Variants in DCC observed in about 807,000 individuals in gnomAD.
The protein encoded by DCC is netrin receptor DCC.
DCC carries 58 observed loss-of-function variants against 172.5 expected under a neutral mutation model. That is an observed-to-expected ratio of 0.34 (90% CI 0.27 to 0.42). The LOEUF is 0.42. DCC is among the 10% of genes least tolerant of loss of function. The pLI is 1.00. For synonymous variants in DCC, 709 were observed against 644.5 expected, an observed-to-expected ratio of 1.10 and a Z score of -1.52; for missense variants, 1,740 against 1,791.0, an observed-to-expected ratio of 0.97 and a Z score of 0.51.
At chr18:53,521,488 C>T (rs1423572759) in intron 27 of DCC, among the ~76,000 whole-genome samples, 1 of 152,086 alleles carries the variant, frequency 6.6e-6, no homozygotes, top group Non-Finnish European at 1.5e-5. Flanking sequence ...GAATTCATTT[C>T]TCTGCATGTA....
chr18:53,250,994 A>T (rs748229008), intron 12 of DCC, among the ~76,000 whole-genome samples: 1 of 151,754 alleles, frequency 6.6e-6, no homozygotes, highest in East Asian at 1.9e-4. Flanking sequence ...TCCTGGAATG[A>T]GTTTCTATAT....
chr18:53,010,925 AT>A (rs967215348), intron 5 of DCC, among the ~76,000 whole-genome samples: 1 of 151,232 alleles, frequency 6.6e-6, no homozygotes, highest in African/African-American at 2.4e-5. Context: ...TATCATAATT[AT>A]TTTAGGGTAT....
intron 5 of DCC, among the ~76,000 whole-genome samples, chr18:52,950,506 C>T (rs1476678412): frequency 6.6e-6 from 1 of 152,228 alleles, no homozygotes; most frequent in Non-Finnish European, 1.5e-5. Flanking sequence ...GATTATATAA[C>T]TCACACCCAA....
At chr18:52,707,450 T>G (rs530578550) in intron 1 of DCC, among the ~76,000 whole-genome samples, 1 of 152,204 alleles carries the variant, frequency 6.6e-6, no homozygotes, top group African/African-American at 2.4e-5. Context: ...CATAGGGAGA[T>G]TCCCCCAGAA....
At chr18:53,223,162 G>A (rs943873767) in intron 12 of DCC, among the ~76,000 whole-genome samples, 5 of 151,932 alleles carry the variant, frequency 3.3e-5, no homozygotes, top group South Asian at 2.1e-4. Flanking sequence ...ATGTAAATAG[G>A]ACTTAGGAAA....
intron 11 of DCC, among the ~76,000 whole-genome samples, chr18:53,209,534 C>A (rs1019772041): frequency 2.6e-5 from 4 of 152,092 alleles, no homozygotes; most frequent in Non-Finnish European, 5.9e-5. Flanking sequence ...ACATTTCACA[C>A]AATATCAGTG....
intron 12 of DCC, among the ~76,000 whole-genome samples, chr18:53,231,380 A>C (rs141789122): frequency 1.1e-4 from 17 of 152,250 alleles, no homozygotes; most frequent in African/African-American, 4.1e-4. Flanking sequence ...ACCTGTCATA[A>C]TAAGCAAATG....
intron 2 of DCC, among the ~76,000 whole-genome samples, chr18:52,823,663 G>T (rs1260743983): frequency 6.6e-6 from 1 of 152,108 alleles, no homozygotes; most frequent in Non-Finnish European, 1.5e-5. Flanking sequence ...TATAAATTGT[G>T]TTATAAGAAA....
chr18:53,017,236 G>T (rs1341843410), intron 5 of DCC, among the ~76,000 whole-genome samples: 1 of 151,946 alleles, frequency 6.6e-6, no homozygotes. Context: ...CCAAAGTTGG[G>T]TGAAGGGTTT....
chr18:52,352,438 C>T (rs10502942), intron 1 of DCC, among the ~76,000 whole-genome samples: 14,310 of 152,196 alleles, frequency 0.094, 739 homozygotes, highest in Middle Eastern at 0.12. Flanking sequence ...TTTAGAGGCT[C>T]ATAGGTCCAG....
chr18:53,323,827 G>A (rs1471977144), intron 14 of DCC, among the ~76,000 whole-genome samples: 2 of 152,104 alleles, frequency 1.3e-5, no homozygotes, highest in African/African-American at 2.4e-5. Flanking sequence ...GGAATAGTGA[G>A]TAAGGTAAAT....
In DCC at chr18:53,410,453, T is replaced by A. The variant is rs767257762; in HGVS notation, c.2937T>A (p.Ala979=). ...AGTCACATTTGTCTATTTATGCAGC[T>A]TACATCTTATTTTATACCTTGGACA... The part of the protein sequence containing the change: ...PPLEANGKIT[A]YILFYTLDKN... The change falls in exon 20 of 29, where the codon GCT becomes GCA. Residue 979 remains alanine, a splice_region_variant and synonymous_variant. Transcript: ENST00000442544. The A allele has an allele frequency of 6.3e-7, 1 of 1,597,876 alleles. No individual in the cohort carries two copies. The highest frequency in any genetic ancestry group is 1.1e-5 in the South Asian group (1 of 90,686).
intron 7 of DCC, among the ~76,000 whole-genome samples, chr18:53,087,905 A>G (rs1282140440): frequency 6.6e-6 from 1 of 151,680 alleles, no homozygotes; most frequent in Non-Finnish European, 1.5e-5. Context: ...CAAAGATCAG[A>G]TAGTTGTAGA....
chr18:52,845,438 A>G (rs542562163), intron 2 of DCC, among the ~76,000 whole-genome samples: 1 of 152,370 alleles, frequency 6.6e-6, no homozygotes, highest in African/African-American at 2.4e-5. Context: ...CAATGGCTCA[A>G]AAGCACAGCC....
chr18:53,515,548 C>T (rs991454680), intron 27 of DCC, among the ~76,000 whole-genome samples: 24 of 145,000 alleles, frequency 1.7e-4, no homozygotes, highest in Non-Finnish European at 3.3e-4. Flanking sequence ...ATCTAGAAAA[C>T]CCCATTGTCT....
At chr18:53,467,161 T>C (rs2145182353) in intron 24 of DCC, among the ~76,000 whole-genome samples, 1 of 152,238 alleles carries the variant, frequency 6.6e-6, no homozygotes, top group African/African-American at 2.4e-5. Flanking sequence ...GATATAGGTG[T>C]GTACTTATAT....
intron 7 of DCC, among the ~76,000 whole-genome samples, chr18:53,143,526 C>T (rs2043862027): frequency 1.3e-5 from 2 of 152,174 alleles, no homozygotes; most frequent in Admixed American, 1.3e-4. Flanking sequence ...GGTGAAGTCA[C>T]CTCTGGTTCA....
intron 1 of DCC, among the ~76,000 whole-genome samples, chr18:52,359,641 G>A (rs1175074065): frequency 1.3e-5 from 2 of 152,150 alleles, no homozygotes; most frequent in Non-Finnish European, 2.9e-5. Flanking sequence ...ACAATGAGAA[G>A]GAAATGAGGA....
chr18:52,700,014 A>G (rs1195245068), intron 1 of DCC, among the ~76,000 whole-genome samples: 1 of 151,212 alleles, frequency 6.6e-6, no homozygotes, highest in Non-Finnish European at 1.5e-5. Context: ...AGAGCAATGT[A>G]TTCTTCACTC....
Sources: gnomAD v4.1 joint callset for allele counts (sites outside exome capture counted in the v4.1 genomes callset) on GRCh38, gnomAD v4.1.1 for gene constraint, MANE v1.5 for transcripts, NCBI Gene and HGNC (gene_info 2026-07-23, HGNC 2026-07-21) for gene names.